Variants in ADNP observed in about 807,000 individuals in gnomAD.
ADNP encodes the protein activity-dependent neuroprotector homeobox protein.
A neutral mutation model predicts 84.9 loss-of-function variants in ADNP; 4 were observed. That is an observed-to-expected ratio of 0.05 (90% CI 0.02 to 0.11). The LOEUF (loss-of-function observed/expected upper bound fraction) is 0.11. ADNP is among the 10% of genes least tolerant of loss of function. The probability of loss-of-function intolerance (pLI) is 1.00; values close to 1 mark genes in which losing one functional copy is unlikely to be tolerated. For missense variants in ADNP, 1,132 were observed against 1,326.0 expected (o/e 0.85, Z 2.27); for synonymous variants, 554 against 468.1 (o/e 1.18, Z -2.37).
At chr20:50,923,514 TTTTTTA>T (rs1200686766) in intron 2 of ADNP, among the ~76,000 whole-genome samples, 14 of 152,064 alleles carry the variant, frequency 9.2e-5, no homozygotes, top group African/African-American at 1.7e-4. Flanking sequence ...TTGGTTGCTG[TTTTTTA>T]TTTTTATTTT....
chr20:50,893,244 T>C lies in ADNP; in HGVS notation c.1470A>G (p.Lys490=), dbSNP rs780837901. The part of the protein sequence containing the change: ...YIMKIHNFTS[K]CLYCNRYLPT... The stretch of plus-strand genomic sequence containing the variant: ...GTAAATAGCGATTACAGTAGAGGCA[T>C]TTGCTAGTAAAATTGTGTATTTTCA... Residue 490 remains lysine, a synonymous_variant, in exon 6 of 6, where the codon AAA becomes AAG. Transcript: ENST00000621696. The surrounding 1 kb of genome is among the most constrained non-coding windows in gnomAD (Gnocchi z 4.4). The C allele has an allele frequency of 5.0e-6, 8 of 1,614,218 alleles. No homozygotes were observed. Among genetic ancestry groups the C allele is most frequent in the Middle Eastern group, 1.6e-4 (1 of 6,062 alleles).
At chr20:50,914,805 C>T (rs1983381678) in intron 2 of ADNP, among the ~76,000 whole-genome samples, 1 of 152,292 alleles carries the variant, frequency 6.6e-6, no homozygotes, top group Non-Finnish European at 1.5e-5. Flanking sequence ...GTTAAACATC[C>T]TAACTTGTTT....
In ADNP at chr20:50,931,259, G is replaced by GGA. The variant is rs1555818604; in HGVS notation, c.-699_-698insTC. On this transcript the variant is annotated 5_prime_UTR_variant, in exon 1 of 6. Coordinates refer to ENST00000621696, the MANE Select transcript of ADNP (RefSeq NM_001282531.3). The stretch of plus-strand genomic sequence containing the variant: ...ACAAGATGGCGGCGGCCGGGGGGGG[G>GGA]GGGGCGGGAGTTCAGCTCATGGATC... 9 of 104,028 alleles carry GGA rather than the reference G, an allele frequency of 8.7e-5. 2 individuals are homozygous for GGA. The East Asian group carries it at 3.4e-3, about 39-fold the overall frequency. The allele number at this position is 104,028 out of a possible 1,614,324, so 6.4% of individuals were successfully genotyped here. A position where few individuals can be genotyped will look rare whatever the true frequency, so the allele number is the denominator to read the frequency against.
At position 50,890,131 on chromosome 20, in the gene ADNP, T is replaced by TAAAAAAAAAAA. The variant is rs150489825; in HGVS notation, c.*1263_*1273dup. On this transcript the variant is annotated 3_prime_UTR_variant, in exon 6 of 6. Coordinates refer to ENST00000621696, the MANE Select transcript of ADNP (RefSeq NM_001282531.3). The stretch of plus-strand genomic sequence containing the variant: ...AACTCAAGGGTGTTTGTTTTTCAGT[T>TAAAAAAAAAAA]AAAAAAAAAAAAAAAAAAAAAAAAA... The TAAAAAAAAAAA allele has an allele frequency of 9.9e-5, 8 of 81,110 alleles. No homozygotes were observed. Among genetic ancestry groups the TAAAAAAAAAAA allele is most frequent in the South Asian group, 6.2e-4 (1 of 1,612 alleles). 5.0% of individuals were successfully genotyped at this position (81,110 alleles called of 1,614,324 possible). A position where few individuals can be genotyped will look rare whatever the true frequency, so the allele number is the denominator to read the frequency against.
rs150489825 is a variant in ADNP at position 50,890,131 on chromosome 20, TAAAAAAAAAAAA to T, written c.*1262_*1273del. ...AACTCAAGGGTGTTTGTTTTTCAGT[TAAAAAAAAAAAA>T]AAAAAAAAAAAAAAAAAAGAAAAAC... On this transcript the variant is annotated 3_prime_UTR_variant, in exon 6 of 6. Coordinates refer to ENST00000621696, the MANE Select transcript of ADNP (RefSeq NM_001282531.3). 23 of 81,212 alleles carry T rather than the reference TAAAAAAAAAAAA, an allele frequency of 2.8e-4. No homozygotes were observed. The highest frequency in any genetic ancestry group is 4.0e-4 in the Non-Finnish European group (16 of 40,170). 5.0% of individuals were successfully genotyped at this position (81,212 alleles called of 1,614,324 possible).
At chr20:50,929,213 T>C (rs556279756) in intron 1 of ADNP, among the ~76,000 whole-genome samples, 2 of 152,190 alleles carry the variant, frequency 1.3e-5, no homozygotes, top group African/African-American at 4.8e-5. Flanking sequence ...CCACCAGACT[T>C]AGGAAAGATA....
Position 50,889,093 on chromosome 20 carries a change from A to G in ADNP, c.*2312T>C, listed in dbSNP as rs769256582. ...TTGAGACACTTGTAGGGATTCTGCA[A>G]CATTTCCAGTTGGGAATCTTTATTT... On this transcript the variant is annotated 3_prime_UTR_variant, in exon 6 of 6. Coordinates refer to ENST00000621696, the MANE Select transcript of ADNP (RefSeq NM_001282531.3). The G allele has an allele frequency of 1.3e-5, 2 of 152,220 alleles. No individual in the cohort carries two copies. Among genetic ancestry groups the G allele is most frequent in the Non-Finnish European group, 2.9e-5 (2 of 68,040 alleles). The allele number at this position is 152,220 out of a possible 1,614,324, so 9.4% of individuals were successfully genotyped here. A position where few individuals can be genotyped will look rare whatever the true frequency, so the allele number is the denominator to read the frequency against.
chr20:50,922,600 G>GA (rs1984032826), intron 2 of ADNP, among the ~76,000 whole-genome samples: 1 of 106,612 alleles, frequency 9.4e-6, no homozygotes, highest in Admixed American at 1.0e-4. Flanking sequence ...TTTTTTTAAA[G>GA]ACAGAATCTC....
intron 2 of ADNP, among the ~76,000 whole-genome samples, chr20:50,910,226 C>CA (rs1344667618): frequency 2.0e-5 from 3 of 151,972 alleles, no homozygotes; most frequent in Non-Finnish European, 4.4e-5. Context: ...AGTAAAAAAA[C>CA]AAAAAACACT....
rs1980456632 is a variant in ADNP, at chr20:50,889,719, T to C, written c.*1686A>G. Reference sequence around the variant, plus strand: ...TGGAGTTTCCCATCATTGTTTTAATTGCTGGAAATGTTGGCCTAATTCTGC... The same window carrying C: ...TGGAGTTTCCCATCATTGTTTTAATCGCTGGAAATGTTGGCCTAATTCTGC... On this transcript the variant is annotated 3_prime_UTR_variant, in exon 6 of 6. Transcript: ENST00000621696. 1 of 394,256 alleles carries C rather than the reference T, an allele frequency of 2.5e-6. No individual in the cohort carries two copies. The highest frequency in any genetic ancestry group is 4.4e-5 in the Admixed American group (1 of 22,620). The allele number at this position is 394,256 out of a possible 1,614,324, so 24.4% of individuals were successfully genotyped here.
intron 2 of ADNP, among the ~76,000 whole-genome samples, chr20:50,927,560 CTTTT>C (rs10716858): frequency 6.9e-6 from 1 of 144,400 alleles, no homozygotes; most frequent in Non-Finnish European, 1.5e-5. Flanking sequence ...AATTGTTTCA[CTTTT>C]TTTTTTTTTT....
intron 2 of ADNP, chr20:50,914,254 C>A (rs938037977): frequency 1.4e-6 from 1 of 712,946 alleles, no homozygotes. Context: ...CACTCCTCCA[C>A]ACTTAGTCTG....
At chr20:50,904,319 GA>G (rs1413158847) in intron 3 of ADNP, 1 of 228,908 alleles carries the variant, frequency 4.4e-6, no homozygotes, top group African/African-American at 2.3e-5. Flanking sequence ...GGGCTCAAGT[GA>G]TCCTCTCACC....
intron 2 of ADNP, chr20:50,913,841 G>A (rs1983282741): frequency 1.8e-6 from 1 of 551,594 alleles, no homozygotes; most frequent in Non-Finnish European, 3.4e-6. Context: ...GAACTGACCA[G>A]GACAGAAGTG....
intron 1 of ADNP, among the ~76,000 whole-genome samples, 194 bp downstream of exon 1, chr20:50,930,632 A>G (rs910628847): frequency 2.6e-5 from 4 of 151,960 alleles, no homozygotes; most frequent in African/African-American, 9.7e-5. Context: ...AGAGTCGGGT[A>G]GCGGTCCGTG....
chr20:50,923,102 G>T (rs1984064243), intron 2 of ADNP, among the ~76,000 whole-genome samples: 1 of 152,148 alleles, frequency 6.6e-6, no homozygotes, highest in Non-Finnish European at 1.5e-5. Flanking sequence ...ACACGGTAAT[G>T]GGGTTATGGG....
At chr20:50,913,968 T>G in intron 2 of ADNP, 1 of 719,796 alleles carries the variant, frequency 1.4e-6, no homozygotes, top group Admixed American at 2.0e-5. Flanking sequence ...AGACTGCTGT[T>G]TGTGCTGGCC....
rs1285436227 is a variant in ADNP, at chr20:50,903,970, A to G, written c.27T>C (p.Leu9=). MFQLPVNN[L]GSLRKARKTV... ...TTTTCCGGGCTTTTCTTAAACTGCC[A>G]AGATTGTTGACAGGAAGTTGGAACA... Residue 9 remains leucine (L), a synonymous_variant, in exon 4 of 6, where the codon CTT becomes CTC. Transcript: ENST00000621696. 6.2e-7 allele frequency: 1 copy of G among 1,613,832 alleles called. No homozygotes were observed. Among genetic ancestry groups the G allele is most frequent in the Non-Finnish European group, 8.5e-7 (1 of 1,179,982 alleles).
chr20:50,909,454 T>C (rs984067447), intron 2 of ADNP: 4 of 149,938 alleles, frequency 2.7e-5, no homozygotes, highest in African/African-American at 9.8e-5. Context: ...CAGCCGAACC[T>C]TTCAGCTCAT....
Sources: gnomAD v4.1 joint callset for allele counts (sites outside exome capture counted in the v4.1 genomes callset) on GRCh38, gnomAD v4.1.1 for gene constraint, Gnocchi (gnomAD v3.1) non-coding constraint, MANE v1.5 for transcripts, NCBI Gene and HGNC (gene_info 2026-07-23, HGNC 2026-07-21) for gene names.